SNAP23: variants seen among roughly 807,000 people sequenced by gnomAD.
SNAP23 encodes synaptosome associated protein 23, also known as synaptosomal-associated protein 23.
In SNAP23, 11 loss-of-function variants were observed where a neutral mutation model predicts 29.0. The ratio of observed to expected loss-of-function variants is 0.38; its 90% CI spans 0.24 to 0.63. The LOEUF (loss-of-function observed/expected upper bound fraction) is 0.63, where lower values mean the gene tolerates loss of function less well. Among genes scored for constraint, SNAP23 ranks in the 20% least tolerant of loss-of-function variants. The pLI, the probability that SNAP23 is intolerant of heterozygous loss-of-function variation, is 0.58. For missense variants in SNAP23, 220 were observed against 253.9 expected, an observed-to-expected ratio of 0.87 and a Z score of 0.91; for synonymous variants, 60 against 82.9, an observed-to-expected ratio of 0.72 and a Z score of 1.50.
At chr15:42,517,013 G>A (rs565462864) in intron 5 of SNAP23, among the ~76,000 whole-genome samples, 5 of 152,086 alleles carry the variant, frequency 3.3e-5, no homozygotes, top group African/African-American at 9.6e-5. Context: ...TCCACCTCAC[G>A]GGTTCAAGTG....
rs370617048 is a variant in SNAP23 at position 42,500,827 on chromosome 15, A to C, written c.-15+5114A>C. ...TTTTTTTAAATAGTAAGAGTAGAAGAAGCCCATTTGTATTCATTTAGATTC... is the reference window on the plus strand; with the variant it reads ...TTTTTTTAAATAGTAAGAGTAGAAGCAGCCCATTTGTATTCATTTAGATTC... On this transcript the variant is annotated intron_variant, in intron 1 of 7. Coordinates refer to ENST00000249647, the MANE Select transcript of SNAP23 (RefSeq NM_003825.4). Among the ~76,000 whole-genome samples, 6 of 152,256 alleles carry C rather than the reference A, an allele frequency of 3.9e-5. No homozygotes were observed. In the East Asian group the frequency reaches 7.7e-4, roughly 20 times the overall value.
chr15:42,528,072 T>C (rs2141556739), intron 5 of SNAP23, 190 bp from the exon 6 acceptor site: 1 of 489,582 alleles, frequency 2.0e-6, no homozygotes, highest in East Asian at 3.0e-5. Context: ...TTAGTGTCAA[T>C]GGGTTTACAT....
chr15:42,513,006 T>C lies in SNAP23; in HGVS notation c.99+10T>C. 6.3e-7 allele frequency: 1 copy of C among 1,598,122 alleles called. No individual in the cohort carries two copies. The highest frequency in any genetic ancestry group is 8.6e-7 in the Non-Finnish European group (1 of 1,165,432). ...GGGTTTAGCCATTGAGGTAAGAAAA[T>C]GTTAGTCATCAACTTAAGTATAGAA... On this transcript the variant is annotated intron_variant, in intron 3 of 7. Coordinates refer to ENST00000249647, the MANE Select transcript of SNAP23 (RefSeq NM_003825.4).
chr15:42,512,749 T>C (rs1307871740), intron 2 of SNAP23, among the ~76,000 whole-genome samples: 1 of 151,724 alleles, frequency 6.6e-6, no homozygotes, highest in Non-Finnish European at 1.5e-5. Context: ...ACAGTCTCAC[T>C]ATGTTGTCTG....
chr15:42,521,392 G>A, intron 5 of SNAP23: 1 of 936,610 alleles, frequency 1.1e-6, no homozygotes, highest in Non-Finnish European at 1.3e-6. Context: ...AAAATTCTGA[G>A]GAAAAATGAA....
chr15:42,525,448 C>CTTTTTTTTTTTTT (rs1566819532), intron 5 of SNAP23, among the ~76,000 whole-genome samples: 1 of 50,692 alleles, frequency 2.0e-5, no homozygotes, highest in Non-Finnish European at 4.7e-5. Context: ...AAGATCCAGT[C>CTTTTTTTTTTTTT]TTCTTTTTTT....
At chr15:42,504,590 G>A in intron 1 of SNAP23, among the ~76,000 whole-genome samples, 1 of 151,982 alleles carries the variant, frequency 6.6e-6, no homozygotes, top group East Asian at 1.9e-4. Flanking sequence ...TAATATAATG[G>A]CTAACATTGA....
At chr15:42,497,247 C>G (rs1166727511) in intron 1 of SNAP23, among the ~76,000 whole-genome samples, 1 of 137,064 alleles carries the variant, frequency 7.3e-6, no homozygotes. Flanking sequence ...CTTGCTCTGT[C>G]GCTCAGGCTG....
At chr15:42,502,590 G>A (rs1051098731) in intron 1 of SNAP23, among the ~76,000 whole-genome samples, 3 of 152,158 alleles carry the variant, frequency 2.0e-5, no homozygotes, top group African/African-American at 7.2e-5. Flanking sequence ...GATGGTTTCG[G>A]TGAATATTTC....
At chr15:42,514,673 C>T (rs1567045410) in intron 4 of SNAP23, among the ~76,000 whole-genome samples, 1 of 151,168 alleles carries the variant, frequency 6.6e-6, no homozygotes, top group East Asian at 1.9e-4. Context: ...TCTAAATAAC[C>T]GTCCCTTGGT....
At chr15:42,513,752 C>T (rs754376101) in intron 4 of SNAP23, among the ~76,000 whole-genome samples, 18 of 151,978 alleles carry the variant, frequency 1.2e-4, no homozygotes, top group Non-Finnish European at 2.1e-4. Context: ...AGGCACCTGC[C>T]ACCACACCCA....
At position 42,531,651 on chromosome 15, in the gene SNAP23, G is replaced by A. The variant is rs748610970; in HGVS notation, c.*173G>A. The A allele has an allele frequency of 1.7e-5, 8 of 467,408 alleles. No individual in the cohort carries two copies. Among genetic ancestry groups the A allele is most frequent in the South Asian group, 4.3e-5 (1 of 23,494 alleles). The allele number at this position is 467,408 out of a possible 1,614,324, so 29.0% of individuals were successfully genotyped here. On this transcript the variant is annotated 3_prime_UTR_variant, in exon 8 of 8. Coordinates refer to ENST00000249647, the MANE Select transcript of SNAP23 (RefSeq NM_003825.4). Reference sequence around the variant, plus strand: ...TCTTTTTTGTTTTCTGTTGAGGGCCGACTGCTGCTCTGCCTTCCTTCTAGT... The same window carrying A: ...TCTTTTTTGTTTTCTGTTGAGGGCCAACTGCTGCTCTGCCTTCCTTCTAGT...
At chr15:42,498,237 A>T (rs2057240174) in intron 1 of SNAP23, among the ~76,000 whole-genome samples, 1 of 152,164 alleles carries the variant, frequency 6.6e-6, no homozygotes, top group African/African-American at 2.4e-5. Flanking sequence ...GCGGTGTCCA[A>T]TCCCACGTTT....
Position 42,531,408 on chromosome 15 carries a change from T to C in SNAP23, c.571-5T>C, listed in dbSNP as rs1410040978. 1.3e-6 allele frequency: 2 copies of C among 1,538,330 alleles called. No homozygotes were observed. The highest frequency in any genetic ancestry group is 4.1e-5 in the Admixed American group (2 of 48,402). Reference sequence around the variant, plus strand: ...TGTAAAGCTGATATCTTTCTTGTTTTTCAGGCTGACACCAACAGAGATCGT... The same window carrying C: ...TGTAAAGCTGATATCTTTCTTGTTTCTCAGGCTGACACCAACAGAGATCGT... On this transcript the variant is annotated splice_region_variant and splice_polypyrimidine_tract_variant and intron_variant, in intron 7 of 7. Coordinates refer to ENST00000249647, the MANE Select transcript of SNAP23 (RefSeq NM_003825.4).
At chr15:42,515,140 A>G (rs2057388248) in intron 4 of SNAP23, 97 bp from the exon 5 acceptor site, 7 of 699,368 alleles carry the variant, frequency 1.0e-5, no homozygotes, top group Admixed American at 2.4e-5. Context: ...AGTTATTGGT[A>G]GATTCAAGGT....
At chr15:42,512,668 C>T (rs886866108) in intron 2 of SNAP23, among the ~76,000 whole-genome samples, 12 of 151,754 alleles carry the variant, frequency 7.9e-5, no homozygotes, top group African/African-American at 2.9e-4. Flanking sequence ...TGAACCACCA[C>T]ACCCGGCCAT....
Position 42,532,871 on chromosome 15 carries a change from C to T in SNAP23, c.*1393C>T, listed in dbSNP as rs1175763870. 2.0e-5 allele frequency: 3 copies of T among 152,638 alleles called. No individual in the cohort carries two copies. Among genetic ancestry groups the T allele is most frequent in the Non-Finnish European group, 2.9e-5 (2 of 68,032 alleles). The allele number at this position is 152,638 out of a possible 1,614,324, so 9.5% of individuals were successfully genotyped here. ...TTATTGGTGATTACACACTCTTTCT[C>T]TTACCCTTGTGTATTGAACTATGTC... On this transcript the variant is annotated 3_prime_UTR_variant, in exon 8 of 8. Transcript: ENST00000249647.
intron 5 of SNAP23, among the ~76,000 whole-genome samples, chr15:42,526,818 T>G (rs1444185947): frequency 6.6e-6 from 1 of 151,952 alleles, no homozygotes; most frequent in African/African-American, 2.4e-5. Context: ...TTCTTTCTTT[T>G]TAAGACACTT....
At chr15:42,492,179 G>A (rs1162538929), upstream of SNAP23, among the ~76,000 whole-genome samples, 1 of 151,824 alleles carries the variant, frequency 6.6e-6, no homozygotes, top group African/African-American at 2.4e-5. Flanking sequence ...CCTAAGTGCT[G>A]GTATTACAGG....
Sources: gnomAD v4.1 joint callset for allele counts (sites outside exome capture counted in the v4.1 genomes callset) on GRCh38, gnomAD v4.1.1 for gene constraint, MANE v1.5 for transcripts, NCBI Gene and HGNC (gene_info 2026-07-23, HGNC 2026-07-21) for gene names.